The following DDHD1 variants were observed in gnomAD, a reference collection of about 807,000 sequenced individuals.
DDHD1 encodes phospholipase DDHD1.
In DDHD1, 49 loss-of-function variants were observed where a neutral mutation model predicts 96.4. The observed-to-expected ratio is 0.51, with a 90% CI of 0.40 to 0.64. DDHD1 has a LOEUF of 0.64. Among genes scored for constraint, DDHD1 ranks in the 30% least tolerant of loss-of-function variants. The probability of loss-of-function intolerance (pLI) is 0.00; values close to 1 mark genes in which losing one functional copy is unlikely to be tolerated. For synonymous variants in DDHD1, 442 were observed against 446.5 expected, an observed-to-expected ratio of 0.99 and a Z score of 0.13; for missense variants, 1,106 against 1,161.2, an observed-to-expected ratio of 0.95 and a Z score of 0.69.
At chr14:53,143,390 A>T (rs1045816981) in intron 1 of DDHD1, among the ~76,000 whole-genome samples, 1 of 152,200 alleles carries the variant, frequency 6.6e-6, no homozygotes, top group African/African-American at 2.4e-5. Context: ...ATAGCTCTTG[A>T]ACACAAATTT....
At chr14:53,142,119 A>T (rs565510134) in intron 1 of DDHD1, among the ~76,000 whole-genome samples, 45 of 152,358 alleles carry the variant, frequency 3.0e-4, no homozygotes, top group Middle Eastern at 3.4e-3. Context: ...ACAAAGGAGA[A>T]ATAAATTAGG....
intron 4 of DDHD1, among the ~76,000 whole-genome samples, chr14:53,080,681 C>G (rs923042539): frequency 6.7e-6 from 1 of 149,198 alleles, no homozygotes; most frequent in Non-Finnish European, 1.5e-5. Context: ...AAAAAAATCC[C>G]TAATACTTGT....
At chr14:53,065,656 C>T (rs566829481) in intron 6 of DDHD1, among the ~76,000 whole-genome samples, 49 of 152,288 alleles carry the variant, frequency 3.2e-4, no homozygotes, top group African/African-American at 1.2e-3. Context: ...AGGGTTCTCC[C>T]ATGAGCATGT....
At chr14:53,055,505 T>C (rs1390584536) in intron 10 of DDHD1, among the ~76,000 whole-genome samples, 155 bp downstream of exon 10, 1 of 152,194 alleles carries the variant, frequency 6.6e-6, no homozygotes, top group Admixed American at 6.5e-5. Context: ...TAGAGCTTTT[T>C]GGGCCTCAAA....
chr14:53,083,099 T>A (rs1362324549), intron 4 of DDHD1, among the ~76,000 whole-genome samples: 2 of 152,214 alleles, frequency 1.3e-5, no homozygotes, highest in African/African-American at 4.8e-5. Context: ...ACTACATGTA[T>A]GTCCTGTTCA....
intron 1 of DDHD1, among the ~76,000 whole-genome samples, chr14:53,147,212 G>A (rs940233272): frequency 1.3e-5 from 2 of 152,178 alleles, no homozygotes; most frequent in African/African-American, 2.4e-5. Flanking sequence ...CCACAAAAAA[G>A]GATCAACTGT....
intron 6 of DDHD1, among the ~76,000 whole-genome samples, chr14:53,068,623 T>C (rs1370709305): frequency 1.3e-5 from 2 of 152,170 alleles, no homozygotes; most frequent in Non-Finnish European, 2.9e-5. Context: ...TGTGTTTGTC[T>C]GATGTTTTCT....
intron 2 of DDHD1, chr14:53,096,303 A>T (rs980069487): frequency 6.6e-5 from 27 of 411,616 alleles, no homozygotes; most frequent in African/African-American, 2.0e-4. Flanking sequence ...TTAACTTTAA[A>T]AAATGAGTTG....
rs2139828106 is a variant in DDHD1, at chr14:53,052,794, A to C, written c.2438-867T>G. The C allele has an allele frequency of 2.0e-5, 3 of 152,036 alleles. No homozygotes were observed. In the South Asian group the frequency reaches 6.2e-4, roughly 32 times the overall value. The allele number at this position is 152,036 out of a possible 1,614,324, so 9.4% of individuals were successfully genotyped here. A position where few individuals can be genotyped will look rare whatever the true frequency, so the allele number is the denominator to read the frequency against. ...TAAGACTCATAATTACCTCATATTG[A>C]GTCTTGTTGACTATTTTACCATTCG... On this transcript the variant is annotated intron_variant, in intron 11 of 12. Coordinates refer to ENST00000673822, the MANE Select transcript of DDHD1 (RefSeq NM_001160148.2).
At chr14:53,107,112 A>G (rs1428319531) in intron 1 of DDHD1, among the ~76,000 whole-genome samples, 2 of 152,132 alleles carry the variant, frequency 1.3e-5, no homozygotes, top group East Asian at 1.9e-4. Flanking sequence ...CAAGACCCCC[A>G]CTGGATGCCT....
chr14:53,062,962 G>A lies in DDHD1; in HGVS notation c.1747C>T (p.Leu583Phe). ...TTTTACCGTCGTTTAGTTATATAGA[G>A]TTCATCAAGAAGATGTCGTTCTTCA... ...SYEERHLLDE[L>F]YITKRRLKEI... The change falls in exon 7 of 13, where the codon CTC (leucine) becomes TTC (phenylalanine). Residue 583 changes from leucine (L) to phenylalanine (F), a missense_variant. Coordinates refer to ENST00000673822, the MANE Select transcript of DDHD1 (RefSeq NM_001160148.2). 2.5e-6 allele frequency: 4 copies of A among 1,613,020 alleles called. No individual in the cohort carries two copies. The highest frequency in any genetic ancestry group is 3.4e-6 in the Non-Finnish European group (4 of 1,179,222).
At chr14:53,119,914 C>T (rs1361432112) in intron 1 of DDHD1, among the ~76,000 whole-genome samples, 2 of 152,214 alleles carry the variant, frequency 1.3e-5, no homozygotes, top group Admixed American at 1.3e-4. Flanking sequence ...TGTCCTCTCT[C>T]ACTACTCCTA....
chr14:53,065,055 A>G (rs1270283695), intron 6 of DDHD1, among the ~76,000 whole-genome samples: 8 of 152,146 alleles, frequency 5.3e-5, no homozygotes, highest in African/African-American at 1.9e-4. Context: ...TAACTTTATT[A>G]TCTATTAGGT....
intron 1 of DDHD1, among the ~76,000 whole-genome samples, chr14:53,118,706 C>T (rs966227023): frequency 5.9e-5 from 9 of 152,014 alleles, no homozygotes; most frequent in African/African-American, 1.7e-4. Context: ...AGAAAGTGAC[C>T]GGGAGAATGG....
At position 53,057,085 on chromosome 14, in the gene DDHD1, T is replaced by C. The variant is rs1883117013; in HGVS notation, c.1993-1173A>G. ...AACTTGCCCAGGATTGTGCAGTTTG[T>C]ATTTGAATCTTATATTAAACTTCCA... On this transcript the variant is annotated intron_variant, in intron 9 of 12. Transcript: ENST00000673822. Among the ~76,000 whole-genome samples, 4 of 152,176 alleles carry C rather than the reference T, an allele frequency of 2.6e-5. No homozygotes were observed. The South Asian group carries it at 8.3e-4, about 31-fold the overall frequency.
chr14:53,128,623 G>C (rs1338271583), intron 1 of DDHD1, among the ~76,000 whole-genome samples: 1 of 152,208 alleles, frequency 6.6e-6, no homozygotes, highest in African/African-American at 2.4e-5. Context: ...AGGAGCATAA[G>C]AAATTAAGTG....
intron 1 of DDHD1, among the ~76,000 whole-genome samples, chr14:53,126,529 G>A (rs1889451732): frequency 6.6e-6 from 1 of 152,106 alleles, no homozygotes; most frequent in Admixed American, 6.6e-5. Context: ...ACCATCCCCA[G>A]CTAATTTTTT....
At chr14:53,051,994 T>A in intron 11 of DDHD1, 67 bp from the exon 12 acceptor site, 1 of 1,172,442 alleles carries the variant, frequency 8.5e-7, no homozygotes, top group Non-Finnish European at 1.2e-6. Context: ...TTCAATGATG[T>A]AGTGGCCAAA....
chr14:53,061,104 G>A (rs1025379572), intron 8 of DDHD1, 22 bp downstream of exon 8: 2 of 1,592,632 alleles, frequency 1.3e-6, no homozygotes, highest in African/African-American at 1.4e-5. Flanking sequence ...CAATGTTGAA[G>A]AACACATTGC....
Sources: allele counts gnomAD v4.1 joint callset (sites outside exome capture counted in the v4.1 genomes callset), GRCh38; gene constraint gnomAD v4.1.1; transcripts MANE v1.5; gene names NCBI Gene and HGNC (gene_info 2026-07-23, HGNC 2026-07-21).